Variants in FBXO41 observed in about 807,000 individuals in gnomAD.
FBXO41 encodes the protein F-box protein 41, also known as F-box only protein 41.
A neutral mutation model predicts 81.6 loss-of-function variants in FBXO41; 33 were observed. That is an observed-to-expected ratio of 0.40 (90% CI 0.31 to 0.54). The LOEUF (loss-of-function observed/expected upper bound fraction) is 0.54, where lower values mean the gene tolerates loss of function less well. FBXO41 is among the 20% of genes least tolerant of loss of function. The pLI, the probability that FBXO41 is intolerant of heterozygous loss-of-function variation, is 0.39. For synonymous variants in FBXO41, 576 were observed against 552.7 expected (o/e 1.04, Z -0.59); for missense variants, 1,107 against 1,236.0 (o/e 0.90, Z 1.56).
intron 1 of FBXO41, chr2:73,272,219 A>C (rs778209075): frequency 6.6e-6 from 1 of 152,182 alleles, no homozygotes; most frequent in Non-Finnish European, 1.5e-5. Flanking sequence ...TTGTAGAAAA[A>C]TGTCAGGATG....
At chr2:73,273,355 TG>T (rs35696203) in intron 1 of FBXO41, among the ~76,000 whole-genome samples, 62,637 of 152,058 alleles carry the variant, frequency 0.41, 14,090 homozygotes, top group East Asian at 0.55. Flanking sequence ...TGTCGATCTT[TG>T]ACATCTAAGA....
rs755363542 is a variant in FBXO41, at chr2:73,260,833, G to A, written c.2197C>T (p.Arg733Cys). ...PCQQPTRFSNRCLQMIGRCWP... is the reference protein window; with the variant it reads ...PCQQPTRFSNCCLQMIGRCWP... ...CAGCGACCAATCATCTGCAGGCAGC[G>A]GTTACTGAAGCGTGTGGGCTGCTGG... Residue 733 changes from arginine to cysteine, a missense_variant, in exon 10 of 13, where the codon CGC (arginine) becomes TGC (cysteine). Around this residue, in one of 2 missense-constraint regions of FBXO41, gnomAD observed 336 missense variants for 446.7 expected, o/e 0.75. Coordinates refer to ENST00000520530, the MANE Select transcript of FBXO41 (RefSeq NM_001371389.2). This position sits in a 1 kb window ranked among gnomAD's most constrained non-coding sequence, Gnocchi z 5.0. 1.5e-5 allele frequency: 23 copies of A among 1,568,346 alleles called. No individual in the cohort carries two copies. The highest frequency in any genetic ancestry group is 1.7e-4 in the Middle Eastern group (1 of 6,028).
intron 1 of FBXO41, among the ~76,000 whole-genome samples, chr2:73,281,579 C>T (rs537311715): frequency 6.6e-6 from 1 of 152,316 alleles, no homozygotes; most frequent in South Asian, 2.1e-4. Context: ...CTCTTGGGAT[C>T]CAGCTGCCAC....
At position 73,259,556 on chromosome 2, in the gene FBXO41, C is replaced by A. The variant is rs1671830347; in HGVS notation, c.2450-260G>T. 1.3e-5 allele frequency among the ~76,000 whole-genome samples: 2 copies of A among 152,172 alleles called. No individual in the cohort carries two copies. The highest frequency in any genetic ancestry group is 4.1e-4 in the South Asian group (2 of 4,834). ...CTGTCCAAAGCCTCTAGGAACTTCC[C>A]TGACACAGGGGGCAGCTATACCATG... On this transcript the variant is annotated intron_variant, in intron 11 of 12. Coordinates refer to ENST00000520530, the MANE Select transcript of FBXO41 (RefSeq NM_001371389.2). This position sits in a 1 kb window ranked among gnomAD's most constrained non-coding sequence, Gnocchi z 4.2.
chr2:73,277,933 T>C (rs1688742842), intron 1 of FBXO41, among the ~76,000 whole-genome samples: 1 of 152,214 alleles, frequency 6.6e-6, no homozygotes, highest in African/African-American at 2.4e-5. Flanking sequence ...CTCTGTACTT[T>C]ATGTGGTTGT....
intron 1 of FBXO41, chr2:73,270,792 T>C: frequency 3.7e-6 from 2 of 534,208 alleles, no homozygotes; most frequent in South Asian, 2.8e-5. Context: ...ACTCTTCTCC[T>C]ACCTTGTGGG....
At position 73,266,652 on chromosome 2, in the gene FBXO41, C is replaced by T. The variant is rs1688290566; in HGVS notation, c.936G>A (p.Lys312=). 1.2e-6 allele frequency: 2 copies of T among 1,601,352 alleles called. No individual in the cohort carries two copies. Among genetic ancestry groups the T allele is most frequent in the Non-Finnish European group, 1.7e-6 (2 of 1,174,392 alleles). Residue 312 remains lysine (K), a synonymous_variant, in exon 3 of 13, where the codon AAG becomes AAA. Coordinates refer to ENST00000520530, the MANE Select transcript of FBXO41 (RefSeq NM_001371389.2). The surrounding 1 kb of genome is among the most constrained non-coding windows in gnomAD (Gnocchi z 5.3). ...QEVVQIDQFL[K]ETAAREASAK... ...CGCTGGCCTCCCGCGCCGCCGTCTC[C>T]TTCAGGAACTGGTCGATCTGCACCA...
Position 73,263,988 on chromosome 2 carries a change from G to A in FBXO41, c.1872C>T (p.Pro624=), listed in dbSNP as rs756892217. ...AHSLTLQNLK[P]RQRGKKESKE... The stretch of plus-strand genomic sequence containing the variant: ...TGCTCTCCTTCTTTCCCCGCTGCCG[G>A]GGCTTCAAGTTCTGCAGCGTCAGAG... The change falls in exon 7 of 13, where the codon CCC becomes CCT. Residue 624 remains proline, a synonymous_variant. Coordinates refer to ENST00000520530, the MANE Select transcript of FBXO41 (RefSeq NM_001371389.2). 2.5e-6 allele frequency: 4 copies of A among 1,606,212 alleles called. No individual in the cohort carries two copies. The African/African-American group carries it at 4.0e-5, about 16-fold the overall frequency.
chr2:73,265,901 C>G lies in FBXO41; in HGVS notation c.1197G>C (p.Pro399=), dbSNP rs563919305. 3.2e-6 allele frequency: 5 copies of G among 1,585,098 alleles called. No homozygotes were observed. The highest frequency in any genetic ancestry group is 2.3e-5 in the East Asian group (1 of 43,444). ...CTGGGCCCAAGGCTTACCCTGTGCT[C>G]GGAGAGGAGCCATGCCGTGACACTG... The part of the protein sequence containing the change: ...TYAVSRHGSS[P]STGASSRVPA... Residue 399 remains proline, a synonymous_variant, in exon 4 of 13, where the codon CCG becomes CCC. Coordinates refer to ENST00000520530, the MANE Select transcript of FBXO41 (RefSeq NM_001371389.2).
At position 73,266,257 on chromosome 2, in the gene FBXO41, A is replaced by G. The variant is rs1688271136; in HGVS notation, c.1131+200T>C. Among the ~76,000 whole-genome samples the G allele has an allele frequency of 6.6e-6, 1 of 152,146 alleles. No individual in the cohort carries two copies. The highest frequency in any genetic ancestry group is 1.9e-4 in the East Asian group (1 of 5,180). On this transcript the variant is annotated intron_variant, in intron 3 of 12. Transcript: ENST00000520530. The surrounding 1 kb of genome is among the most constrained non-coding windows in gnomAD (Gnocchi z 5.3). ...CCGAGGGCTGGGGCCACCGAATCAC[A>G]TCTCACTACAGCCTCGGGGGCTGGC... is the stretch of plus-strand genomic sequence containing the variant.
chr2:73,268,561 T>A (rs1384136030), intron 2 of FBXO41, among the ~76,000 whole-genome samples, 165 bp downstream of exon 2: 1 of 152,152 alleles, frequency 6.6e-6, no homozygotes, highest in Admixed American at 6.5e-5. Flanking sequence ...CAGTACCACA[T>A]ATCATCATGA....
At chr2:73,274,438 G>T (rs919315120) in intron 1 of FBXO41, among the ~76,000 whole-genome samples, 5 of 152,106 alleles carry the variant, frequency 3.3e-5, no homozygotes, top group African/African-American at 1.2e-4. Context: ...TCTCAAGTGT[G>T]TTGATTGGCT....
At position 73,269,248 on chromosome 2, in the gene FBXO41, G is replaced by A. The variant is rs964278391; in HGVS notation, c.383C>T (p.Pro128Leu). ...GCCCGGCTCGGCCAACTCCTCACAG[G>A]GCAGGCTAGCGGGCACCAGGTCGCC... ...FPGDLVPASL[P>L]CEELAEPGLV... is the part of the protein sequence containing the mutation. Residue 128 changes from proline (P) to leucine (L), a missense_variant, in exon 2 of 13, where the codon CCC (proline) becomes CTC (leucine). This residue lies in a region of FBXO41 where 771 missense variants were observed against 789.2 expected (regional missense o/e 0.98). Transcript: ENST00000520530. The surrounding 1 kb of genome is among the most constrained non-coding windows in gnomAD (Gnocchi z 7.0). The A allele has an allele frequency of 2.0e-5, 31 of 1,530,970 alleles. No individual in the cohort carries two copies. Among genetic ancestry groups the A allele is most frequent in the Non-Finnish European group, 5.3e-6 (6 of 1,139,614 alleles). 94.8% of individuals were successfully genotyped at this position (1,530,970 alleles called of 1,614,324 possible).
Position 73,259,386 on chromosome 2 carries a change from C to T in FBXO41, c.2450-90G>A. 9.1e-7 allele frequency: 1 copy of T among 1,094,574 alleles called. No individual in the cohort carries two copies. Among genetic ancestry groups the T allele is most frequent in the East Asian group, 2.4e-5 (1 of 41,504 alleles). The allele number at this position is 1,094,574 out of a possible 1,614,324, so 67.8% of individuals were successfully genotyped here. On this transcript the variant is annotated intron_variant, in intron 11 of 12. Transcript: ENST00000520530. The surrounding 1 kb of genome is among the most constrained non-coding windows in gnomAD (Gnocchi z 4.2). Reference sequence around the variant, plus strand: ...TCACTAATTAATGAAATCAGACAATCAGGTGCCAGCTACCGGGAACACGAC... The same window carrying T: ...TCACTAATTAATGAAATCAGACAATTAGGTGCCAGCTACCGGGAACACGAC...
Position 73,276,617 on chromosome 2 carries a change from AGAGG to A in FBXO41, c.-138-6853_-138-6850del, listed in dbSNP as rs1558592734. Among the ~76,000 whole-genome samples, 268 of 89,042 alleles carry A rather than the reference AGAGG, an allele frequency of 3.0e-3. 11 individuals are homozygous for A. Among genetic ancestry groups the A allele is most frequent in the Admixed American group, 0.014 (133 of 9,368 alleles). 58.4% of individuals were successfully genotyped at this position (89,042 alleles called of 152,430 possible). ...GAGAGAGAGAGAGGGAGAGAGGGAG[AGAGG>A]GAGAGAATGCATTTATATATAACAC... On this transcript the variant is annotated intron_variant, in intron 1 of 12. Coordinates refer to ENST00000520530, the MANE Select transcript of FBXO41 (RefSeq NM_001371389.2).
rs747133380 is a variant in FBXO41 at position 73,266,490 on chromosome 2, A to C, written c.1098T>G (p.Gly366=). 1.3e-6 allele frequency: 2 copies of C among 1,572,102 alleles called. No individual in the cohort carries two copies. The highest frequency in any genetic ancestry group is 8.6e-7 in the Non-Finnish European group (1 of 1,159,170). ...ASLGRGGGGG[G]AGPNARGPGR... ...CTGGGCCCCGGGCATTGGGTCCAGCACCACCGCCCCCACCTCCACGGCCCA... is the reference window on the plus strand; with the variant it reads ...CTGGGCCCCGGGCATTGGGTCCAGCCCCACCGCCCCCACCTCCACGGCCCA... The change falls in exon 3 of 13, where the codon GGT becomes GGG. Residue 366 remains glycine, a synonymous_variant. Transcript: ENST00000520530. The surrounding 1 kb of genome is among the most constrained non-coding windows in gnomAD (Gnocchi z 5.3).
chr2:73,272,121 G>C (rs1304856785), intron 1 of FBXO41: 1 of 152,378 alleles, frequency 6.6e-6, no homozygotes, highest in South Asian at 2.1e-4. Context: ...TTGGTGAACA[G>C]AGCAGCAGCA....
rs754754460 is a variant in FBXO41, at chr2:73,259,176, C to T, written c.2565+5G>A. ...TCTTGGACAGCCTCAGAGCTGACCCCTCACCTGGAGTTTTGTCACCATGTC... is the reference window on the plus strand; with the variant it reads ...TCTTGGACAGCCTCAGAGCTGACCCTTCACCTGGAGTTTTGTCACCATGTC... On this transcript the variant is annotated splice_donor_5th_base_variant and intron_variant, in intron 12 of 12. Transcript: ENST00000520530. The surrounding 1 kb of genome is among the most constrained non-coding windows in gnomAD (Gnocchi z 4.2). 1 of 1,613,916 alleles carries T rather than the reference C, an allele frequency of 6.2e-7. No homozygotes were observed. Among genetic ancestry groups the T allele is most frequent in the Non-Finnish European group, 8.5e-7 (1 of 1,179,786 alleles).
chr2:73,266,842 C>A lies in FBXO41; in HGVS notation c.906-160G>T, dbSNP rs1295857271. 3.5e-6 allele frequency: 4 copies of A among 1,147,038 alleles called. No homozygotes were observed. Among genetic ancestry groups the A allele is most frequent in the Non-Finnish European group, 4.6e-6 (4 of 872,896 alleles). 71.1% of individuals were successfully genotyped at this position (1,147,038 alleles called of 1,614,324 possible). On this transcript the variant is annotated intron_variant, in intron 2 of 12. Transcript: ENST00000520530. This position sits in a 1 kb window ranked among gnomAD's most constrained non-coding sequence, Gnocchi z 5.3. ...GCAGAACAGGCCTAGCACACAGCCC[C>A]GCACGATGACACATACAGAAATGCA...
Sources: gnomAD v4.1 joint callset for allele counts (sites outside exome capture counted in the v4.1 genomes callset) on GRCh38, gnomAD v4.1.1 for gene constraint, gnomAD v4.1.1 regional missense constraint, Gnocchi (gnomAD v3.1) non-coding constraint, MANE v1.5 for transcripts, NCBI Gene and HGNC (gene_info 2026-07-23, HGNC 2026-07-21) for gene names.